TBPL1: variants seen among roughly 807,000 people sequenced by gnomAD.
TBPL1 encodes TATA-box binding protein like 1.
A neutral mutation model predicts 22.1 loss-of-function variants in TBPL1; 4 were observed. The ratio of observed to expected loss-of-function variants is 0.18; its 90% CI spans 0.09 to 0.41. TBPL1 has a LOEUF of 0.41. Ranked by LOEUF, TBPL1 falls within the 10% of genes least tolerant of loss-of-function variation. TBPL1 has a pLI of 1.00. For missense variants in TBPL1, 115 were observed against 222.3 expected, an observed-to-expected ratio of 0.52 and a Z score of 3.07; for synonymous variants, 64 against 71.0, an observed-to-expected ratio of 0.90 and a Z score of 0.50.
intron 1 of TBPL1, among the ~76,000 whole-genome samples, chr6:133,956,175 C>A (rs189848077): frequency 6.6e-6 from 1 of 152,106 alleles, no homozygotes. Flanking sequence ...AAAATATGAA[C>A]GTTGCAGTTG....
At chr6:133,984,339 C>T (rs1415869245) in intron 4 of TBPL1, 37 bp from the exon 5 acceptor site, 3 of 1,506,296 alleles carry the variant, frequency 2.0e-6, no homozygotes, top group South Asian at 1.2e-5. Flanking sequence ...TTGTTTGTTT[C>T]AAAATAAATT....
chr6:133,973,677 T>C (rs1400770869), intron 1 of TBPL1, among the ~76,000 whole-genome samples: 1 of 152,210 alleles, frequency 6.6e-6, no homozygotes, highest in South Asian at 2.1e-4. Flanking sequence ...TGTGTTCTTG[T>C]ACACAAAATC....
intron 4 of TBPL1, among the ~76,000 whole-genome samples, chr6:133,983,294 C>T (rs1165887775): frequency 1.3e-5 from 2 of 152,226 alleles, no homozygotes; most frequent in African/African-American, 2.4e-5. Context: ...ACGTGACTGT[C>T]ACTGGCATGT....
chr6:133,987,648 G>GTGTGTGTGTATATATATATATATATA lies in TBPL1; in HGVS notation c.*609_*610insGTGTGTGTATATATATATATATATAT, dbSNP rs200249148. On this transcript the variant is annotated 3_prime_UTR_variant, in exon 7 of 7. Coordinates refer to ENST00000237264, the MANE Select transcript of TBPL1 (RefSeq NM_004865.4). ...TTTGTGTGTGTGTGTGTGTGTGTGT[G>GTGTGTGTGTATATATATATATATATA]TATATATATATATATATATGCACCA... 5 of 88,396 alleles carry GTGTGTGTGTATATATATATATATATA rather than the reference G, an allele frequency of 5.7e-5. No individual in the cohort carries two copies. Among genetic ancestry groups the GTGTGTGTGTATATATATATATATATA allele is most frequent in the South Asian group, 3.1e-4 (1 of 3,238 alleles). The allele number at this position is 88,396 out of a possible 1,614,324, so 5.5% of individuals were successfully genotyped here.
At chr6:133,986,310 T>C (rs950853098) in intron 6 of TBPL1, among the ~76,000 whole-genome samples, 2 of 152,380 alleles carry the variant, frequency 1.3e-5, no homozygotes, top group South Asian at 4.1e-4. Flanking sequence ...TTGTCCTTTT[T>C]TATGTTTCTT....
intron 2 of TBPL1, 143 bp from the exon 3 acceptor site, chr6:133,982,425 T>C: frequency 1.6e-6 from 1 of 614,932 alleles, no homozygotes; most frequent in South Asian, 2.9e-5. Context: ...GTACTTGATT[T>C]CAGAATGGTA....
chr6:133,966,270 G>A (rs1259208690), intron 1 of TBPL1, among the ~76,000 whole-genome samples: 1 of 152,154 alleles, frequency 6.6e-6, no homozygotes, highest in Non-Finnish European at 1.5e-5. Flanking sequence ...TGCTTCTGAG[G>A]AGCTTATTGT....
intron 1 of TBPL1, among the ~76,000 whole-genome samples, chr6:133,975,093 A>G (rs991451971): frequency 6.6e-6 from 1 of 152,190 alleles, no homozygotes; most frequent in Admixed American, 6.5e-5. Flanking sequence ...GGAAGGAAAC[A>G]ATGGACATGG....
At chr6:133,981,822 T>G (rs965698935) in intron 2 of TBPL1, among the ~76,000 whole-genome samples, 1 of 152,216 alleles carries the variant, frequency 6.6e-6, no homozygotes, top group African/African-American at 2.4e-5. Context: ...AATGAAAAGT[T>G]GGAATGAAAA....
chr6:133,953,000 C>G (rs1157525372), upstream of TBPL1, among the ~76,000 whole-genome samples: 1 of 152,106 alleles, frequency 6.6e-6, no homozygotes, highest in Non-Finnish European at 1.5e-5. The surrounding 1 kb of genome is among the most constrained non-coding windows in gnomAD (Gnocchi z 4.5). Context: ...TACCTCCCAC[C>G]GAGCCCAGCG....
Position 133,982,198 on chromosome 6 carries a change from A to G in TBPL1, c.136-370A>G, listed in dbSNP as rs151203096. 5.9e-5 allele frequency among the ~76,000 whole-genome samples: 9 copies of G among 152,320 alleles called. No individual in the cohort carries two copies. In the East Asian group the frequency reaches 1.7e-3, roughly 29 times the overall value. On this transcript the variant is annotated intron_variant, in intron 2 of 6. Coordinates refer to ENST00000237264, the MANE Select transcript of TBPL1 (RefSeq NM_004865.4). ...GGGGATAATATTCCAAATGAAAGCA[A>G]CAGCTACTGCAAAGCTTCTGAAGCA...
At chr6:133,982,504 T>C (rs1171485136) in intron 2 of TBPL1, 64 bp from the exon 3 acceptor site, 4 of 1,435,210 alleles carry the variant, frequency 2.8e-6, no homozygotes, top group Admixed American at 1.9e-5. Flanking sequence ...AATATGACTA[T>C]ATAGAACAGA....
chr6:133,956,024 T>C (rs3777892), intron 1 of TBPL1, among the ~76,000 whole-genome samples: 58,404 of 152,048 alleles, frequency 0.38, 13,779 homozygotes, highest in Non-Finnish European at 0.55. Flanking sequence ...ACATGGCACA[T>C]TATTTAAAAA....
At chr6:133,975,487 G>A (rs190186576) in intron 1 of TBPL1, among the ~76,000 whole-genome samples, 50 of 152,106 alleles carry the variant, frequency 3.3e-4, no homozygotes, top group African/African-American at 1.1e-3. Context: ...TTCAGGTAAC[G>A]TCTTCTAACC....
At chr6:133,957,805 G>T (rs534657936) in intron 1 of TBPL1, among the ~76,000 whole-genome samples, 1 of 152,234 alleles carries the variant, frequency 6.6e-6, no homozygotes, top group Non-Finnish European at 1.5e-5. Context: ...CAGGGTTGCT[G>T]TGAGAATTAG....
chr6:133,952,588 G>C (rs1482676822), upstream of TBPL1: 32 of 152,144 alleles, frequency 2.1e-4, no homozygotes, highest in Admixed American at 2.0e-3. The surrounding 1 kb of genome is among the most constrained non-coding windows in gnomAD (Gnocchi z 4.5). Flanking sequence ...TGTCATCCCC[G>C]GTCGCTCTAA....
At chr6:133,954,690 A>C (rs1425897022) in intron 1 of TBPL1, among the ~76,000 whole-genome samples, 1 of 152,228 alleles carries the variant, frequency 6.6e-6, no homozygotes, top group Non-Finnish European at 1.5e-5. Flanking sequence ...GATAAATCAT[A>C]GGAGCAATTA....
intron 1 of TBPL1, among the ~76,000 whole-genome samples, chr6:133,971,090 C>T (rs761532196): frequency 8.5e-5 from 13 of 152,152 alleles, no homozygotes; most frequent in African/African-American, 1.7e-4. Flanking sequence ...CGTTCATTCT[C>T]ATCCTCTTCT....
intron 1 of TBPL1, among the ~76,000 whole-genome samples, chr6:133,962,763 G>A (rs1776046562): frequency 1.3e-5 from 2 of 152,104 alleles, no homozygotes; most frequent in Admixed American, 6.6e-5. Context: ...AAACCTATTG[G>A]TAATATGAAA....
Sources: gnomAD v4.1 joint callset for allele counts (sites outside exome capture counted in the v4.1 genomes callset) on GRCh38, gnomAD v4.1.1 for gene constraint, Gnocchi (gnomAD v3.1) non-coding constraint, MANE v1.5 for transcripts, NCBI Gene and HGNC (gene_info 2026-07-23, HGNC 2026-07-21) for gene names.